The following LSAMP variants were observed in gnomAD, a reference collection of about 807,000 sequenced individuals.
LSAMP encodes the protein limbic system-associated membrane protein.
A neutral mutation model predicts 38.6 loss-of-function variants in LSAMP; 7 were observed. The observed-to-expected ratio is 0.18, with a 90% CI of 0.10 to 0.34. The LOEUF is 0.34. Ranked by LOEUF, LSAMP falls within the 10% of genes least tolerant of loss-of-function variation. The probability of loss-of-function intolerance (pLI) is 1.00; values close to 1 mark genes in which losing one functional copy is unlikely to be tolerated. For synonymous variants in LSAMP, 154 were observed against 166.8 expected (o/e 0.92, Z 0.59); for missense variants, 313 against 420.0 (o/e 0.75, Z 2.23).
intron 1 of LSAMP, among the ~76,000 whole-genome samples, chr3:116,265,727 C>T (rs1265065032): frequency 6.6e-6 from 1 of 152,134 alleles, no homozygotes; most frequent in Non-Finnish European, 1.5e-5. Flanking sequence ...CTTTGGGACT[C>T]AAATACAGGC....
intron 3 of LSAMP, among the ~76,000 whole-genome samples, chr3:115,990,028 A>C (rs1009389221): frequency 1.3e-5 from 2 of 152,082 alleles, no homozygotes; most frequent in African/African-American, 4.8e-5. Context: ...TAGGAGCTAC[A>C]GAGATTTCTG....
At chr3:116,444,755 G>C (rs950173235) in intron 1 of LSAMP, 122 bp downstream of exon 1, 5 of 1,247,078 alleles carry the variant, frequency 4.0e-6, no homozygotes, top group Non-Finnish European at 5.7e-6. Context: ...CCACAAGCCT[G>C]CAGCATCAGG....
chr3:115,831,113 C>A (rs974254733), intron 6 of LSAMP, among the ~76,000 whole-genome samples: 2 of 152,114 alleles, frequency 1.3e-5, no homozygotes, highest in Admixed American at 6.5e-5. Flanking sequence ...TGCATTTTAT[C>A]AATGGAAAAA....
chr3:116,440,460 T>C (rs1426529632), intron 1 of LSAMP, among the ~76,000 whole-genome samples: 5 of 152,162 alleles, frequency 3.3e-5, no homozygotes, highest in Admixed American at 1.3e-4. Context: ...AATACGTCAT[T>C]CTAAGTCAAA....
chr3:116,267,737 C>T (rs577525054), intron 1 of LSAMP, among the ~76,000 whole-genome samples: 14 of 152,166 alleles, frequency 9.2e-5, no homozygotes, highest in East Asian at 5.8e-4. Flanking sequence ...AGGTACTCTC[C>T]GCCTGCAGCA....
At chr3:116,136,696 T>G (rs749889974) in intron 1 of LSAMP, among the ~76,000 whole-genome samples, 19 of 152,138 alleles carry the variant, frequency 1.2e-4, no homozygotes, top group Non-Finnish European at 2.2e-4. Flanking sequence ...ATTTTCTCAG[T>G]CTTCATTCAT....
chr3:116,402,697 G>A (rs893358337), intron 1 of LSAMP, among the ~76,000 whole-genome samples: 4 of 151,780 alleles, frequency 2.6e-5, no homozygotes, highest in African/African-American at 7.3e-5. Context: ...TGACTGGGCT[G>A]ATTTATTCAG....
intron 2 of LSAMP, among the ~76,000 whole-genome samples, chr3:116,023,178 C>CTATA (rs957255527): frequency 2.8e-5 from 4 of 143,288 alleles, no homozygotes; most frequent in Admixed American, 7.4e-5. Context: ...CTCTCTCTCT[C>CTATA]TATATATATA....
At chr3:116,316,812 TAAGGA>T (rs1447690339) in intron 1 of LSAMP, among the ~76,000 whole-genome samples, 1 of 137,314 alleles carries the variant, frequency 7.3e-6, no homozygotes, top group Non-Finnish European at 1.6e-5. Context: ...GAAAGAAAGG[TAAGGA>T]AAGTAAGAGT....
intron 3 of LSAMP, among the ~76,000 whole-genome samples, chr3:115,884,623 A>G (rs536352244): frequency 6.6e-6 from 1 of 152,108 alleles, no homozygotes; most frequent in East Asian, 1.9e-4. Context: ...CGCAGATGGC[A>G]CTGGATGTAA....
chr3:116,054,584 T>G (rs956393693), intron 2 of LSAMP, among the ~76,000 whole-genome samples: 1 of 152,142 alleles, frequency 6.6e-6, no homozygotes, highest in Non-Finnish European at 1.5e-5. Flanking sequence ...AGAAAAGGGC[T>G]TCACTCCTCC....
chr3:116,073,016 C>A (rs1576346475), intron 2 of LSAMP, among the ~76,000 whole-genome samples: 1 of 152,192 alleles, frequency 6.6e-6, no homozygotes, highest in Middle Eastern at 3.4e-3. Flanking sequence ...CCTTGCTTTT[C>A]TTCTAGAGTT....
At chr3:116,168,514 C>A in intron 1 of LSAMP, among the ~76,000 whole-genome samples, 1 of 152,176 alleles carries the variant, frequency 6.6e-6, no homozygotes, top group East Asian at 1.9e-4. Flanking sequence ...TGTTTACAAC[C>A]TCTAAGAATG....
intron 1 of LSAMP, among the ~76,000 whole-genome samples, chr3:116,113,213 A>T (rs1003241890): frequency 1.3e-5 from 2 of 149,094 alleles, no homozygotes; most frequent in Non-Finnish European, 3.0e-5. Flanking sequence ...GACATTCAGA[A>T]TTTTTTTTTT....
chr3:115,908,411 C>T (rs1367678258), intron 3 of LSAMP, among the ~76,000 whole-genome samples: 1 of 147,046 alleles, frequency 6.8e-6, no homozygotes, highest in Non-Finnish European at 1.5e-5. Flanking sequence ...GTATATCTGT[C>T]TACCTGCAAG....
chr3:116,044,501 G>T (rs991130357), intron 2 of LSAMP, among the ~76,000 whole-genome samples: 2 of 152,138 alleles, frequency 1.3e-5, no homozygotes, highest in African/African-American at 4.8e-5. Context: ...TGAGTGTGAT[G>T]TTTGTGTGTT....
At chr3:116,037,818 TATATATATCAGTAA>T (rs1337849272) in intron 2 of LSAMP, among the ~76,000 whole-genome samples, 1 of 152,106 alleles carries the variant, frequency 6.6e-6, no homozygotes, top group East Asian at 1.9e-4. Context: ...CATACTGATA[TATATATATCAGTAA>T]TGTCCTATAT....
chr3:115,943,842 C>T (rs1938010161), intron 3 of LSAMP, among the ~76,000 whole-genome samples: 2 of 152,172 alleles, frequency 1.3e-5, no homozygotes, highest in South Asian at 4.1e-4. Context: ...ACACCTGAAC[C>T]AGTCCTCAAA....
At chr3:115,911,375 T>C (rs1359939935) in intron 3 of LSAMP, among the ~76,000 whole-genome samples, 1 of 152,202 alleles carries the variant, frequency 6.6e-6, no homozygotes, top group Non-Finnish European at 1.5e-5. Flanking sequence ...TTTGTTTTTC[T>C]GAGACAGATT....
Sources: allele counts gnomAD v4.1 joint callset (sites outside exome capture counted in the v4.1 genomes callset), GRCh38; gene constraint gnomAD v4.1.1; transcripts MANE v1.5; gene names NCBI Gene and HGNC (gene_info 2026-07-23, HGNC 2026-07-21).